Variants in MYO7B observed in about 807,000 individuals in gnomAD.
MYO7B encodes the protein unconventional myosin-VIIb.
Under a neutral mutation model 259.7 loss-of-function variants are expected in MYO7B, and 212 were observed. That is an observed-to-expected ratio of 0.82 (90% confidence interval 0.73 to 0.91). The LOEUF is 0.91. MYO7B is among the 40% of genes least tolerant of loss of function. MYO7B has a pLI of 0.00. For missense variants in MYO7B, 2,732 were observed against 2,813.5 expected (o/e 0.97, Z 0.66); for synonymous variants, 1,197 against 1,166.4 (o/e 1.03, Z -0.54).
intron 19 of MYO7B, among the ~76,000 whole-genome samples, chr2:127,599,742 AT>A (rs1679892566): frequency 6.6e-6 from 1 of 152,034 alleles, no homozygotes; most frequent in Non-Finnish European, 1.5e-5. Flanking sequence ...TTGAATGTCA[AT>A]TTTTTTCCTG....
Position 127,607,085 on chromosome 2 carries a change from C to T in MYO7B, c.2425-121C>T. 1 of 886,528 alleles carries T rather than the reference C, an allele frequency of 1.1e-6. No individual in the cohort carries two copies. 54.9% of individuals were successfully genotyped at this position (886,528 alleles called of 1,614,324 possible). A position where few individuals can be genotyped will look rare whatever the true frequency, so the allele number is the denominator to read the frequency against. ...TAGGTGTGTACCATTCTAGCACCGGCCCTTTGCCAAAACAAAACTAACTGT... is the reference window on the plus strand; with the variant it reads ...TAGGTGTGTACCATTCTAGCACCGGTCCTTTGCCAAAACAAAACTAACTGT... On this transcript the variant is annotated intron_variant, in intron 20 of 47. Coordinates refer to ENST00000409816, the MANE Select transcript of MYO7B (RefSeq NM_001393586.1). The surrounding 1 kb of genome is among the most constrained non-coding windows in gnomAD (Gnocchi z 4.4).
chr2:127,596,667 GTT>G (rs1679782467), intron 19 of MYO7B, 111 bp downstream of exon 19: 1 of 855,548 alleles, frequency 1.2e-6, no homozygotes, highest in Non-Finnish European at 1.9e-6. Context: ...CCTCCCTGGG[GTT>G]ACTGAGATCT....
At chr2:127,594,668 T>A in intron 18 of MYO7B, among the ~76,000 whole-genome samples, 1 of 152,200 alleles carries the variant, frequency 6.6e-6, no homozygotes, top group Middle Eastern at 3.2e-3. Flanking sequence ...TATTGAGAGT[T>A]TTTTTTAACA....
chr2:127,623,651 A>G (rs1039746244), intron 29 of MYO7B, among the ~76,000 whole-genome samples: 1 of 152,164 alleles, frequency 6.6e-6, no homozygotes, highest in Non-Finnish European at 1.5e-5. Flanking sequence ...GCAGCCACGC[A>G]CAGACATCAG....
rs777569104 is a variant in MYO7B, at chr2:127,584,381, C to A, written c.1554+49C>A. The A allele has an allele frequency of 1.3e-6, 2 of 1,586,060 alleles. No homozygotes were observed. The highest frequency in any genetic ancestry group is 8.6e-7 in the Non-Finnish European group (1 of 1,156,542). On this transcript the variant is annotated intron_variant, in intron 13 of 47. Coordinates refer to ENST00000409816, the MANE Select transcript of MYO7B (RefSeq NM_001393586.1). The surrounding 1 kb of genome is among the most constrained non-coding windows in gnomAD (Gnocchi z 5.8). ...TTCTGGTGGAGGCCCTGCTATGGGT[C>A]TCCTCTTGGAGGCTGGGAAACTCCA... is the stretch of plus-strand genomic sequence containing the variant.
At chr2:127,570,398 A>G (rs1558806150) in intron 6 of MYO7B, among the ~76,000 whole-genome samples, 1 of 152,196 alleles carries the variant, frequency 6.6e-6, no homozygotes, top group Non-Finnish European at 1.5e-5. Context: ...TTGGGTCGGG[A>G]GAGGCTCACG....
chr2:127,619,346 C>T (rs1167124135), intron 26 of MYO7B, among the ~76,000 whole-genome samples: 3 of 36,980 alleles, frequency 8.1e-5, no homozygotes, highest in East Asian at 9.0e-4. Flanking sequence ...TGGTGGGGGC[C>T]GGCTGGGTGG....
chr2:127,542,211 G>C (rs903373243), intron 1 of MYO7B, among the ~76,000 whole-genome samples: 1 of 152,214 alleles, frequency 6.6e-6, no homozygotes, highest in African/African-American at 2.4e-5. Flanking sequence ...GTGGGTGTTA[G>C]ACTCCCTTCC....
rs182476897 is a variant in MYO7B, at chr2:127,543,104, C to A, written c.-24+7273C>A. ...AAAGAGGCGTTCCTCTTTTACTAAT[C>A]CTCCTCAGCACAGACCCTTTACGGG... On this transcript the variant is annotated intron_variant, in intron 1 of 47. Coordinates refer to ENST00000409816, the MANE Select transcript of MYO7B (RefSeq NM_001393586.1). Among the ~76,000 whole-genome samples, 1,093 of 152,334 alleles carry A rather than the reference C, an allele frequency of 7.2e-3. 6 individuals are homozygous for A. The highest frequency in any genetic ancestry group is 0.011 in the South Asian group (52 of 4,818).
At position 127,628,545 on chromosome 2, in the gene MYO7B, TGGGTGGGGTGGGGTG is replaced by T. The variant is rs144295028; in HGVS notation, c.4624+29_4624+43del. ...GACAGGAAGGCCACAGGTGCCAGAC[TGGGTGGGGTGGGGTG>T]GGGTGGGGTGGGGTGGGGGAGGGCC... On this transcript the variant is annotated intron_variant, in intron 34 of 47. Transcript: ENST00000409816. The surrounding 1 kb of genome is among the most constrained non-coding windows in gnomAD (Gnocchi z 4.8). The T allele has an allele frequency of 1.7e-3, 512 of 299,846 alleles. 11 individuals are homozygous for T. The East Asian group carries it at 0.025, about 15-fold the overall frequency. 18.6% of individuals were successfully genotyped at this position (299,846 alleles called of 1,614,324 possible).
rs1218147952 is a variant in MYO7B at position 127,627,144 on chromosome 2, G to A, written c.4334-40G>A. The A allele has an allele frequency of 1.2e-6, 2 of 1,603,998 alleles. No individual in the cohort carries two copies. The highest frequency in any genetic ancestry group is 3.4e-5 in the Admixed American group (2 of 58,456). On this transcript the variant is annotated intron_variant, in intron 32 of 47. Transcript: ENST00000409816. The surrounding 1 kb of genome is among the most constrained non-coding windows in gnomAD (Gnocchi z 5.6). ...AGCAGGTATGGGCTGGGCACCCAGGGGTCCCATGCAGCCTTCACACTGCCG... is the reference window on the plus strand; with the variant it reads ...AGCAGGTATGGGCTGGGCACCCAGGAGTCCCATGCAGCCTTCACACTGCCG...
rs1469289488 is a variant in MYO7B at position 127,613,454 on chromosome 2, T to G, written c.3398+851T>G. ...ATATTTCTGTGCCAAGATTTCCTAT[T>G]TGTTCATTCACTATGAGCATTGTTT... On this transcript the variant is annotated intron_variant, in intron 26 of 47. Coordinates refer to ENST00000409816, the MANE Select transcript of MYO7B (RefSeq NM_001393586.1). The surrounding 1 kb of genome is among the most constrained non-coding windows in gnomAD (Gnocchi z 4.3). 6.6e-6 allele frequency among the ~76,000 whole-genome samples: 1 copy of G among 152,250 alleles called. No homozygotes were observed. Among genetic ancestry groups the G allele is most frequent in the Non-Finnish European group, 1.5e-5 (1 of 68,034 alleles).
Position 127,610,011 on chromosome 2 carries a change from G to A in MYO7B, c.3187G>A (p.Ala1063Thr). The A allele has an allele frequency of 6.2e-7, 1 of 1,609,112 alleles. No individual in the cohort carries two copies. ...GAQVPQHSRS[A>T]QRSGCKDKGT... is the part of the protein sequence containing the mutation. ...CCAGGTTCCACAGCACAGTAGATCT[G>A]CACAGGCAAGTGGGGGGCAGCAGCG... Residue 1063 changes from alanine (A) to threonine (T), a missense_variant, in exon 24 of 48, where the codon GCA becomes ACA. By Grantham distance (58) the Ala-to-Thr change is moderately conservative. This residue lies in a region of MYO7B where 1,906 missense variants were observed against 2,026.4 expected (regional missense o/e 0.94). Transcript: ENST00000409816.
chr2:127,631,438 G>C, intron 37 of MYO7B, 75 bp downstream of exon 37: 2 of 1,561,176 alleles, frequency 1.3e-6, no homozygotes, highest in South Asian at 2.4e-5. Context: ...TGGCCCTACA[G>C]CTGTGCTCTA....
rs746602045 is a variant in MYO7B, at chr2:127,607,209, C to T, written c.2428C>T (p.Leu810Phe). 23 of 1,548,038 alleles carry T rather than the reference C, an allele frequency of 1.5e-5. No individual in the cohort carries two copies. Among genetic ancestry groups the T allele is most frequent in the Non-Finnish European group, 1.9e-5 (22 of 1,146,012 alleles). ...YCNRRNFKLI[L>F]VGFERLQAIA... ...CACCTCTCTCTTGCCTCCGCAGATCCTCGTGGGCTTTGAGCGCCTGCAGGC... is the reference window on the plus strand; with the variant it reads ...CACCTCTCTCTTGCCTCCGCAGATCTTCGTGGGCTTTGAGCGCCTGCAGGC... Residue 810 changes from leucine (L) to phenylalanine (F), a missense_variant, in exon 21 of 48, where the codon CTC becomes TTC. This residue lies in a region of MYO7B where 1,906 missense variants were observed against 2,026.4 expected (regional missense o/e 0.94). Coordinates refer to ENST00000409816, the MANE Select transcript of MYO7B (RefSeq NM_001393586.1). The surrounding 1 kb of genome is among the most constrained non-coding windows in gnomAD (Gnocchi z 4.4).
At position 127,637,315 on chromosome 2, in the gene MYO7B, G is replaced by A. The variant is rs747853647; in HGVS notation, c.6328-1G>A. 2.1e-4 allele frequency: 330 copies of A among 1,578,876 alleles called. No homozygotes were observed. The highest frequency in any genetic ancestry group is 2.7e-4 in the Non-Finnish European group (314 of 1,162,126). ...CTCTGACCCCCCCGTCCCCTGTCCA[G>A]GGCTATAAGATGGATGACCTGCTGA... On this transcript the variant is annotated splice_acceptor_variant, in intron 47 of 47. Transcript: ENST00000409816. LOFTEE classifies it high-confidence loss of function.
At chr2:127,605,585 GA>G (rs1326210061) in intron 19 of MYO7B, among the ~76,000 whole-genome samples, 1 of 152,164 alleles carries the variant, frequency 6.6e-6, no homozygotes, top group African/African-American at 2.4e-5. Flanking sequence ...CAACAAGAGT[GA>G]AACTCCATCT....
Position 127,623,958 on chromosome 2 carries a change from C to G in MYO7B, c.3820-135C>G. On this transcript the variant is annotated intron_variant, in intron 29 of 47. Coordinates refer to ENST00000409816, the MANE Select transcript of MYO7B (RefSeq NM_001393586.1). ...CCTTCAGGTGTCCACACGGGCTCAG[C>G]AGTGTCCACTCAGCCCACGCTGGGC... is the stretch of plus-strand genomic sequence containing the variant. 3 of 737,002 alleles carry G rather than the reference C, an allele frequency of 4.1e-6. No individual in the cohort carries two copies. The South Asian group carries it at 5.6e-5, about 14-fold the overall frequency. The allele number at this position is 737,002 out of a possible 1,614,324, so 45.7% of individuals were successfully genotyped here. A position where few individuals can be genotyped will look rare whatever the true frequency, so the allele number is the denominator to read the frequency against.
At chr2:127,548,419 CTTTTTTT>C (rs796457298) in intron 1 of MYO7B, among the ~76,000 whole-genome samples, 1 of 136,632 alleles carries the variant, frequency 7.3e-6, no homozygotes, top group African/African-American at 2.7e-5. Context: ...TTAGATTTTT[CTTTTTTT>C]TTTTTTTTGA....
Sources: allele counts gnomAD v4.1 joint callset (sites outside exome capture counted in the v4.1 genomes callset), GRCh38; gene constraint gnomAD v4.1.1; regional missense constraint gnomAD v4.1.1; non-coding constraint Gnocchi (gnomAD v3.1); transcripts MANE v1.5; gene names NCBI Gene and HGNC (gene_info 2026-07-23, HGNC 2026-07-21).